Variants in NECAB3 observed in about 807,000 individuals in gnomAD.
NECAB3 encodes the protein N-terminal EF-hand calcium binding protein 3.
Under a neutral mutation model 57.2 loss-of-function variants are expected in NECAB3, and 38 were observed. The observed-to-expected ratio is 0.66, with a 90% CI of 0.51 to 0.87. NECAB3 has a LOEUF of 0.87. NECAB3 is among the 40% of genes least tolerant of loss of function. The pLI, the probability that NECAB3 is intolerant of heterozygous loss-of-function variation, is 0.00. For synonymous variants in NECAB3, 223 were observed against 222.6 expected (o/e 1.00, Z -0.02); for missense variants, 474 against 527.5 (o/e 0.90, Z 0.99).
At position 33,670,731 on chromosome 20, in the gene NECAB3, C is replaced by G. The variant is rs762476741; in HGVS notation, c.216G>C (p.Leu72=). ...CGCTGAACAGTTCCTGCAGCTCCCC[C>G]AGGCTGAGAACCCCATCGGCAAAGT... is the stretch of plus-strand genomic sequence containing the variant. ...QNYFADGVLS[L]GELQELFSGI... Residue 72 remains leucine, a synonymous_variant, in exon 3 of 12, where the codon CTG becomes CTC. Transcript: ENST00000246190. 1.2e-6 allele frequency: 2 copies of G among 1,614,122 alleles called. No homozygotes were observed. The highest frequency in any genetic ancestry group is 1.7e-6 in the Non-Finnish European group (2 of 1,179,970).
chr20:33,666,156 G>A (rs956252332), intron 5 of NECAB3, among the ~76,000 whole-genome samples: 8 of 152,192 alleles, frequency 5.3e-5, no homozygotes, highest in African/African-American at 1.9e-4. Context: ...AGCCCATAAA[G>A]GTAGGGCCAG....
intron 5 of NECAB3, chr20:33,664,798 C>T (rs2017598730): frequency 3.3e-5 from 5 of 152,354 alleles, no homozygotes; most frequent in Admixed American, 3.3e-4. Flanking sequence ...CTCTGGTGAC[C>T]AACCTCAGGA....
chr20:33,661,089 A>G (rs1246965929), intron 5 of NECAB3, among the ~76,000 whole-genome samples: 2 of 152,278 alleles, frequency 1.3e-5, no homozygotes, highest in Middle Eastern at 3.4e-3. Flanking sequence ...TTCCTCATCT[A>G]TCAAACAGGA....
chr20:33,673,663 T>C (rs760169710), intron 1 of NECAB3, among the ~76,000 whole-genome samples: 4 of 150,874 alleles, frequency 2.7e-5, no homozygotes, highest in Non-Finnish European at 4.4e-5. Context: ...CCCTCTGGAG[T>C]TGGGGCATGA....
intron 2 of NECAB3, chr20:33,672,128 G>A (rs766977045): frequency 3.6e-6 from 2 of 549,122 alleles, no homozygotes; most frequent in Non-Finnish European, 6.6e-6. Flanking sequence ...GCCACGTACA[G>A]GAAGTGCCCA....
intron 5 of NECAB3, chr20:33,668,164 C>T (rs768988373): frequency 6.2e-7 from 1 of 1,612,524 alleles, no homozygotes; most frequent in Non-Finnish European, 8.5e-7. Flanking sequence ...GCACTCCTTC[C>T]AGCGCCGCTG....
intron 10 of NECAB3, 143 bp downstream of exon 10, chr20:33,658,334 G>A: frequency 2.4e-6 from 2 of 850,992 alleles, no homozygotes; most frequent in Non-Finnish European, 3.8e-6. Flanking sequence ...CTTCCATTTT[G>A]GAAAGGACTC....
At position 33,663,782 on chromosome 20, in the gene NECAB3, G is replaced by C. The variant is rs529965841; in HGVS notation, c.388-3387C>G. The C allele has an allele frequency of 5.7e-6, 8 of 1,415,046 alleles. No homozygotes were observed. In the African/African-American group the frequency reaches 7.6e-5, roughly 13 times the overall value. 87.7% of individuals were successfully genotyped at this position (1,415,046 alleles called of 1,614,324 possible). A position where few individuals can be genotyped will look rare whatever the true frequency, so the allele number is the denominator to read the frequency against. On this transcript the variant is annotated intron_variant, in intron 5 of 11. Coordinates refer to ENST00000246190, the MANE Select transcript of NECAB3 (RefSeq NM_031232.4). ...TGGCCGCGGCTGCTCTCGCGCTTCC[G>C]GTCCCCGGGGAAGGCTCCCCGCGAA...
rs1003528727 is a variant in NECAB3 at position 33,660,501 on chromosome 20, C to T, written c.388-106G>A. On this transcript the variant is annotated intron_variant, in intron 5 of 11. Transcript: ENST00000246190. This position sits in a 1 kb window ranked among gnomAD's most constrained non-coding sequence, Gnocchi z 4.1. The stretch of plus-strand genomic sequence containing the variant: ...AGAGCAGCGGTGGCAGTGCCAAGAG[C>T]AGGGGCACGCAAACCTGGCACAGGC... The T allele has an allele frequency of 6.9e-7, 1 of 1,443,172 alleles. No homozygotes were observed. The highest frequency in any genetic ancestry group is 1.4e-5 in the African/African-American group (1 of 71,526). 89.4% of individuals were successfully genotyped at this position (1,443,172 alleles called of 1,614,324 possible).
intron 5 of NECAB3, chr20:33,667,892 TGCTGGGCCA>T (rs1376353275): frequency 6.3e-7 from 1 of 1,587,528 alleles, no homozygotes; most frequent in Admixed American, 1.8e-5. Context: ...CAGCCGGGCC[TGCTGGGCCA>T]GGCTGAGCAG....
At chr20:33,663,778 T>C in intron 5 of NECAB3, 1 of 1,424,858 alleles carries the variant, frequency 7.0e-7, no homozygotes, top group Non-Finnish European at 9.1e-7. Context: ...GCTCTCGCGC[T>C]TCCGGTCCCC....
rs550050300 is a variant in NECAB3, at chr20:33,660,918, G to A, written c.388-523C>T. On this transcript the variant is annotated intron_variant, in intron 5 of 11. Transcript: ENST00000246190. The surrounding 1 kb of genome is among the most constrained non-coding windows in gnomAD (Gnocchi z 4.1). ...ACAATCAGGTTGCCATTCTCACTCA[G>A]ACACACACGCCGGCACTGACCCCAA... Among the ~76,000 whole-genome samples the A allele has an allele frequency of 2.0e-5, 3 of 151,756 alleles. No homozygotes were observed. The East Asian group carries it at 6.3e-4, about 32-fold the overall frequency.
chr20:33,660,045 A>G lies in NECAB3; in HGVS notation c.525-42T>C, dbSNP rs1260495225. ...TCACAGGGCCGAGGACTGGGGCCCC[A>G]GGACGGGATAAGCCTGGGTGGGGAA... On this transcript the variant is annotated intron_variant, in intron 6 of 11. Coordinates refer to ENST00000246190, the MANE Select transcript of NECAB3 (RefSeq NM_031232.4). The surrounding 1 kb of genome is among the most constrained non-coding windows in gnomAD (Gnocchi z 4.1). The G allele has an allele frequency of 2.6e-6, 4 of 1,556,796 alleles. No individual in the cohort carries two copies. The highest frequency in any genetic ancestry group is 1.3e-5 in the African/African-American group (1 of 74,252).
At chr20:33,662,272 A>T in intron 5 of NECAB3, 2 of 1,526,996 alleles carry the variant, frequency 1.3e-6, no homozygotes, top group Middle Eastern at 1.7e-4. Context: ...CCGTGAGGTC[A>T]CAATGTTGCC....
intron 1 of NECAB3, 75 bp from the exon 2 acceptor site, chr20:33,672,497 G>A: frequency 6.3e-7 from 1 of 1,586,342 alleles, no homozygotes; most frequent in Non-Finnish European, 8.7e-7. Context: ...AACCCGACAG[G>A]GTCCCAGCTG....
intron 5 of NECAB3, among the ~76,000 whole-genome samples, chr20:33,665,942 G>A (rs190902053): frequency 2.0e-5 from 3 of 152,170 alleles, no homozygotes; most frequent in East Asian, 1.9e-4. Context: ...AATTAGCCGC[G>A]TATGGTGGTG....
intron 5 of NECAB3, chr20:33,663,958 T>A: frequency 8.5e-7 from 1 of 1,177,544 alleles, no homozygotes; most frequent in Non-Finnish European, 1.1e-6. Flanking sequence ...GGAGTCGGGG[T>A]GGGCAAAGCT....
chr20:33,666,366 G>A (rs1439667796), intron 5 of NECAB3: 2 of 152,396 alleles, frequency 1.3e-5, no homozygotes, highest in Non-Finnish European at 2.9e-5. Flanking sequence ...GCTCTGTCCA[G>A]AAGAGAGGAT....
chr20:33,657,782 A>T lies in NECAB3; in HGVS notation c.*47T>A. ...GGCTGGCCAGTCCAGAAGGCTCCAGAGGGAGGCAGGCAGGGTCCCGGGGCC... is the reference window on the plus strand; with the variant it reads ...GGCTGGCCAGTCCAGAAGGCTCCAGTGGGAGGCAGGCAGGGTCCCGGGGCC... On this transcript the variant is annotated 3_prime_UTR_variant, in exon 12 of 12. Transcript: ENST00000246190. 6.7e-7 allele frequency: 1 copy of T among 1,493,842 alleles called. No individual in the cohort carries two copies. Among genetic ancestry groups the T allele is most frequent in the Non-Finnish European group, 8.9e-7 (1 of 1,117,396 alleles). 92.5% of individuals were successfully genotyped at this position (1,493,842 alleles called of 1,614,324 possible).
Sources: gnomAD v4.1 joint callset for allele counts (sites outside exome capture counted in the v4.1 genomes callset) on GRCh38, gnomAD v4.1.1 for gene constraint, Gnocchi (gnomAD v3.1) non-coding constraint, MANE v1.5 for transcripts, NCBI Gene and HGNC (gene_info 2026-07-23, HGNC 2026-07-21) for gene names.